The following MDGA2 variants were observed in gnomAD, a reference collection of about 807,000 sequenced individuals.
The protein encoded by MDGA2 is MAM domain containing glycosylphosphatidylinositol anchor 2.
MDGA2 carries 40 observed loss-of-function variants against 117.8 expected under a neutral mutation model. The ratio of observed to expected loss-of-function variants is 0.34; its 90% CI spans 0.26 to 0.44. The LOEUF (loss-of-function observed/expected upper bound fraction) is 0.44. MDGA2 is among the 20% of genes least tolerant of loss of function. MDGA2 has a pLI of 1.00. For synonymous variants in MDGA2, 452 were observed against 439.0 expected, an observed-to-expected ratio of 1.03 and a Z score of -0.37; for missense variants, 1,123 against 1,250.6, an observed-to-expected ratio of 0.90 and a Z score of 1.54.
chr14:46,945,753 T>A (rs1885150570), intron 9 of MDGA2, among the ~76,000 whole-genome samples: 1 of 152,004 alleles, frequency 6.6e-6, no homozygotes. Flanking sequence ...ACTTCATGGG[T>A]TTCCCTCTCA....
chr14:46,934,790 A>G (rs899794562), intron 9 of MDGA2, among the ~76,000 whole-genome samples: 2 of 152,164 alleles, frequency 1.3e-5, no homozygotes, highest in Non-Finnish European at 2.9e-5. Context: ...ACTTTTGCTT[A>G]ATTTTATATT....
intron 5 of MDGA2, among the ~76,000 whole-genome samples, chr14:47,116,426 G>A (rs1881334028): frequency 6.6e-6 from 1 of 151,960 alleles, no homozygotes; most frequent in South Asian, 2.1e-4. Context: ...AAATTCATAT[G>A]GAACCACAAA....
chr14:47,272,069 AT>A (rs1018104391), intron 2 of MDGA2, among the ~76,000 whole-genome samples: 31 of 152,176 alleles, frequency 2.0e-4, no homozygotes, highest in South Asian at 4.1e-4. Context: ...AATGCTTAGC[AT>A]TTTTTTTCTT....
At chr14:47,379,887 A>C (rs914623534) in intron 1 of MDGA2, among the ~76,000 whole-genome samples, 2 of 152,208 alleles carry the variant, frequency 1.3e-5, no homozygotes, top group Non-Finnish European at 2.9e-5. Flanking sequence ...AGACACCTAC[A>C]GAACTCTGCA....
intron 1 of MDGA2, among the ~76,000 whole-genome samples, chr14:47,351,902 A>AACACACAC (rs35860893): frequency 0.014 from 2,079 of 148,464 alleles, 14 homozygotes; most frequent in Middle Eastern, 0.024. Flanking sequence ...CTCTAAATTA[A>AACACACAC]ACACACACAC....
intron 2 of MDGA2, among the ~76,000 whole-genome samples, chr14:47,275,913 T>C (rs1332149275): frequency 6.6e-6 from 1 of 152,100 alleles, no homozygotes; most frequent in Non-Finnish European, 1.5e-5. Flanking sequence ...TAACTTTGTG[T>C]CCTCTGAAAC....
intron 1 of MDGA2, among the ~76,000 whole-genome samples, chr14:47,332,824 T>G (rs1303148928): frequency 6.6e-6 from 1 of 151,882 alleles, no homozygotes; most frequent in African/African-American, 2.4e-5. Context: ...TCCTACCATT[T>G]GAGTTTCCAA....
intron 2 of MDGA2, among the ~76,000 whole-genome samples, chr14:47,266,306 G>A (rs1349108682): frequency 6.6e-6 from 1 of 152,074 alleles, no homozygotes; most frequent in African/African-American, 2.4e-5. Flanking sequence ...ATTTTGTCTA[G>A]TCCTTCACTC....
chr14:47,159,891 C>T (rs1282951423), intron 3 of MDGA2, among the ~76,000 whole-genome samples: 1 of 152,114 alleles, frequency 6.6e-6, no homozygotes, highest in African/African-American at 2.4e-5. Flanking sequence ...CAGCAAATAT[C>T]ATTTCATAGA....
At chr14:46,858,458 C>T (rs1881370685) in intron 14 of MDGA2, among the ~76,000 whole-genome samples, 1 of 137,206 alleles carries the variant, frequency 7.3e-6, no homozygotes, top group Non-Finnish European at 1.5e-5. Flanking sequence ...GACGGAGTCT[C>T]GCTCTGTCTC....
At chr14:47,645,732 T>C (rs566502508) in intron 1 of MDGA2, among the ~76,000 whole-genome samples, 14 of 152,066 alleles carry the variant, frequency 9.2e-5, no homozygotes, top group African/African-American at 3.4e-4. Flanking sequence ...CTAACCAAAA[T>C]GTAACTATTT....
At chr14:47,247,447 G>A (rs1455627902) in intron 2 of MDGA2, among the ~76,000 whole-genome samples, 1 of 150,994 alleles carries the variant, frequency 6.6e-6, no homozygotes, top group African/African-American at 2.4e-5. Flanking sequence ...TGGAAGTACA[G>A]GCACCTGCCA....
At chr14:47,528,094 A>C (rs1895010244) in intron 1 of MDGA2, among the ~76,000 whole-genome samples, 1 of 152,204 alleles carries the variant, frequency 6.6e-6, no homozygotes, top group South Asian at 2.1e-4. Flanking sequence ...CACATTTCAG[A>C]GCAAGCACAC....
At chr14:47,108,179 G>A (rs1161575208) in intron 5 of MDGA2, among the ~76,000 whole-genome samples, 1 of 152,094 alleles carries the variant, frequency 6.6e-6, no homozygotes, top group African/African-American at 2.4e-5. Context: ...TCCCTTCTCA[G>A]AATTCAGGCC....
intron 1 of MDGA2, among the ~76,000 whole-genome samples, chr14:47,608,264 C>T (rs892050982): frequency 2.0e-5 from 3 of 152,100 alleles, no homozygotes; most frequent in East Asian, 3.9e-4. Flanking sequence ...TTTATTAAGA[C>T]TTTTCCACTT....
intron 1 of MDGA2, among the ~76,000 whole-genome samples, chr14:47,406,178 A>C (rs752311009): frequency 6.6e-6 from 1 of 152,120 alleles, no homozygotes; most frequent in African/African-American, 2.4e-5. Context: ...ATTAGATTTC[A>C]TTTTGGAAAA....
chr14:47,270,693 T>C (rs1216357891), intron 2 of MDGA2, among the ~76,000 whole-genome samples: 1 of 152,146 alleles, frequency 6.6e-6, no homozygotes, highest in East Asian at 1.9e-4. Context: ...TTAAATATTT[T>C]ATAGGAGAGT....
chr14:46,954,724 A>T (rs1033390267), intron 9 of MDGA2, among the ~76,000 whole-genome samples: 1 of 152,114 alleles, frequency 6.6e-6, no homozygotes, highest in Non-Finnish European at 1.5e-5. Flanking sequence ...ACTTAATTAC[A>T]TATGTTGCCA....
At chr14:47,099,673 T>A (rs1880187182) in intron 5 of MDGA2, among the ~76,000 whole-genome samples, 1 of 151,986 alleles carries the variant, frequency 6.6e-6, no homozygotes, top group East Asian at 1.9e-4. Context: ...GTACAAATTC[T>A]AGAGTAAGGT....
Sources: allele counts gnomAD v4.1 joint callset (sites outside exome capture counted in the v4.1 genomes callset), GRCh38; gene constraint gnomAD v4.1.1; transcripts MANE v1.5; gene names NCBI Gene and HGNC (gene_info 2026-07-23, HGNC 2026-07-21).